The following ITGA1 variants were observed in gnomAD, a reference collection of about 807,000 sequenced individuals.
The protein encoded by ITGA1 is integrin alpha-1.
A neutral mutation model predicts 145.9 loss-of-function variants in ITGA1; 85 were observed. The ratio of observed to expected loss-of-function variants is 0.58; its 90% CI spans 0.49 to 0.70. The LOEUF (loss-of-function observed/expected upper bound fraction) is 0.70, where lower values mean the gene tolerates loss of function less well. Among genes scored for constraint, ITGA1 ranks in the 30% least tolerant of loss-of-function variants. ITGA1 has a pLI of 0.00. For synonymous variants in ITGA1, 520 were observed against 495.3 expected (o/e 1.05, Z -0.66); for missense variants, 1,351 against 1,418.7 (o/e 0.95, Z 0.77).
In ITGA1 at chr5:52,872,703, C is replaced by T. The variant is rs113792944; in HGVS notation, c.624+6886C>T. On this transcript the variant is annotated intron_variant, in intron 6 of 28. Transcript: ENST00000282588. ...GCTCCCGAGTAGCTTACCCTTCAGC[C>T]ATTCCTGGGCCCTTGCCTTCCTTGT... Among the ~76,000 whole-genome samples the T allele has an allele frequency of 4.5e-3, 688 of 151,590 alleles. 6 individuals are homozygous for T. Among genetic ancestry groups the T allele is most frequent in the South Asian group, 0.028 (136 of 4,772 alleles).
intron 1 of ITGA1, chr5:52,801,921 C>A: frequency 1.8e-6 from 2 of 1,109,612 alleles, no homozygotes; most frequent in Non-Finnish European, 2.5e-6. Flanking sequence ...TGACAGAAAG[C>A]TGCAAGAATG....
rs111308340 is a variant in ITGA1, at chr5:52,923,426, GA to G, written c.2403+550del. Among the ~76,000 whole-genome samples, 365 of 143,684 alleles carry G rather than the reference GA, an allele frequency of 2.5e-3. 2 individuals are homozygous for G. The South Asian group carries it at 0.037, about 15-fold the overall frequency. 94.3% of individuals were successfully genotyped at this position (143,684 alleles called of 152,430 possible). On this transcript the variant is annotated intron_variant, in intron 18 of 28. Transcript: ENST00000282588. The stretch of plus-strand genomic sequence containing the variant: ...AGCTTACCTACAGATAAATAGACTA[GA>G]AAAAAAAAAACTGTTTAAGAAAAAA...
At chr5:52,948,501 A>T (rs1408923916) in intron 28 of ITGA1, among the ~76,000 whole-genome samples, 1 of 152,178 alleles carries the variant, frequency 6.6e-6, no homozygotes, top group East Asian at 1.9e-4. Flanking sequence ...GCTTAGTCTC[A>T]GAGGAGATGG....
At chr5:52,900,323 A>T (rs1022726404) in intron 11 of ITGA1, among the ~76,000 whole-genome samples, 3 of 152,208 alleles carry the variant, frequency 2.0e-5, no homozygotes, top group African/African-American at 7.2e-5. Flanking sequence ...GATGACATAT[A>T]AATTAGTAAA....
chr5:52,844,760 C>G (rs1014581071), intron 1 of ITGA1, among the ~76,000 whole-genome samples: 1 of 151,984 alleles, frequency 6.6e-6, no homozygotes, highest in Non-Finnish European at 1.5e-5. Context: ...TCTATATTGT[C>G]TCTGAAGCCA....
At chr5:52,848,553 TG>T (rs1749373906) in intron 1 of ITGA1, among the ~76,000 whole-genome samples, 1 of 152,194 alleles carries the variant, frequency 6.6e-6, no homozygotes, top group Non-Finnish European at 1.5e-5. Flanking sequence ...AAAGTCATTA[TG>T]GTTTTTTATT....
At chr5:52,949,953 C>G (rs1374777347) in intron 28 of ITGA1, among the ~76,000 whole-genome samples, 3 of 152,176 alleles carry the variant, frequency 2.0e-5, no homozygotes, top group Non-Finnish European at 2.9e-5. Flanking sequence ...CATTGGAACT[C>G]CCAAGTCTGA....
chr5:52,892,321 C>CA (rs200126476), intron 8 of ITGA1, among the ~76,000 whole-genome samples: 4,337 of 151,642 alleles, frequency 0.029, 253 homozygotes, highest in African/African-American at 0.1. Flanking sequence ...AACAAGTGAA[C>CA]AAAAAAAACT....
At chr5:52,873,269 C>T (rs568564546) in intron 6 of ITGA1, among the ~76,000 whole-genome samples, 2 of 152,210 alleles carry the variant, frequency 1.3e-5, no homozygotes, top group African/African-American at 4.8e-5. Context: ...AGGTGTTTAC[C>T]CACCTAGCCC....
intron 1 of ITGA1, among the ~76,000 whole-genome samples, chr5:52,806,258 A>G (rs1487124183): frequency 6.6e-6 from 1 of 151,514 alleles, no homozygotes; most frequent in African/African-American, 2.4e-5. Flanking sequence ...TAAAGGATCT[A>G]GGATGCAATT....
At chr5:52,816,278 A>G (rs1748765821) in intron 1 of ITGA1, among the ~76,000 whole-genome samples, 1 of 152,240 alleles carries the variant, frequency 6.6e-6, no homozygotes, top group Non-Finnish European at 1.5e-5. Flanking sequence ...GGAAACCAAT[A>G]TGCCAGCAGA....
At chr5:52,830,663 A>T (rs531015521) in intron 1 of ITGA1, among the ~76,000 whole-genome samples, 1 of 152,266 alleles carries the variant, frequency 6.6e-6, no homozygotes, top group East Asian at 1.9e-4. Flanking sequence ...GTTGATGTAA[A>T]TTGTGTTACT....
Position 52,955,378 on chromosome 5 carries a change from TAGATA to T in ITGA1, c.*2928_*2932del, listed in dbSNP as rs1751289411. 7.8e-6 allele frequency: 1 copy of T among 127,906 alleles called. No homozygotes were observed. The highest frequency in any genetic ancestry group is 8.3e-5 in the Admixed American group (1 of 12,026). 7.9% of individuals were successfully genotyped at this position (127,906 alleles called of 1,614,324 possible). On this transcript the variant is annotated 3_prime_UTR_variant, in exon 29 of 29. Transcript: ENST00000282588. The stretch of plus-strand genomic sequence containing the variant: ...ATAGATAGATAGATAGATAGATAGA[TAGATA>T]GATAGATAGATATTGATAGAGAACA...
chr5:52,866,904 G>C (rs1429564355), intron 6 of ITGA1: 5 of 152,104 alleles, frequency 3.3e-5, no homozygotes, highest in African/African-American at 1.2e-4. Context: ...AATGCCTCAG[G>C]TCAGGAATTA....
rs769541521 is a variant in ITGA1, at chr5:52,864,817, C to A, written c.350C>A (p.Ser117Ter). 2 of 1,612,244 alleles carry A rather than the reference C, an allele frequency of 1.2e-6. No homozygotes were observed. The highest frequency in any genetic ancestry group is 2.2e-5 in the East Asian group (1 of 44,812). Residue 117 changes from serine (S) to a stop codon, truncating the protein, a stop_gained, in exon 4 of 29, where the codon TCA becomes TAA. Coordinates refer to ENST00000282588, the MANE Select transcript of ITGA1 (RefSeq NM_181501.2). LOFTEE classifies it high-confidence loss of function. ...TEVKENMTFG[S>*]TLVTNPNGGF... ...GTAAAGGAGAACATGACATTTGGAT[C>A]AACTTTAGTCACCAACCCAAATGGA...
At chr5:52,859,187 C>G (rs1749561481) in intron 2 of ITGA1, among the ~76,000 whole-genome samples, 2 of 152,120 alleles carry the variant, frequency 1.3e-5, no homozygotes, top group African/African-American at 4.8e-5. Context: ...CAGATTTTCA[C>G]TAAATTAGAT....
At chr5:52,810,917 T>C (rs1029408176) in intron 1 of ITGA1, among the ~76,000 whole-genome samples, 1 of 152,210 alleles carries the variant, frequency 6.6e-6, no homozygotes, top group African/African-American at 2.4e-5. Context: ...TAATGGTTCA[T>C]TGTAAATTTA....
At chr5:52,810,782 T>G (rs748490207) in intron 1 of ITGA1, among the ~76,000 whole-genome samples, 16 of 152,206 alleles carry the variant, frequency 1.1e-4, no homozygotes, top group Admixed American at 4.6e-4. Context: ...GTTCAAATTT[T>G]TCCTGTCTTT....
chr5:52,818,107 C>T (rs1748806287), intron 1 of ITGA1, among the ~76,000 whole-genome samples: 1 of 152,082 alleles, frequency 6.6e-6, no homozygotes, highest in Admixed American at 6.5e-5. Flanking sequence ...AGTATGCTTA[C>T]AAACTGGGCA....
Sources: gnomAD v4.1 joint callset for allele counts (sites outside exome capture counted in the v4.1 genomes callset) on GRCh38, gnomAD v4.1.1 for gene constraint, MANE v1.5 for transcripts, NCBI Gene and HGNC (gene_info 2026-07-23, HGNC 2026-07-21) for gene names.